USP32: variants seen among roughly 807,000 people sequenced by gnomAD.
The protein encoded by USP32 is ubiquitin carboxyl-terminal hydrolase 32.
A neutral mutation model predicts 204.8 loss-of-function variants in USP32; 59 were observed. The observed-to-expected ratio is 0.29, with a 90% CI of 0.23 to 0.36. USP32 has a LOEUF of 0.36. USP32 is among the 10% of genes least tolerant of loss of function. The pLI is 1.00. For missense variants in USP32, 1,160 were observed against 1,946.4 expected, an observed-to-expected ratio of 0.60 and a Z score of 7.60; for synonymous variants, 517 against 678.4, an observed-to-expected ratio of 0.76 and a Z score of 3.70.
chr17:60,255,128 G>T, intron 10 of USP32, 47 bp downstream of exon 10: 2 of 1,388,248 alleles, frequency 1.4e-6, no homozygotes, highest in Non-Finnish European at 2.0e-6. Context: ...AGATGTAGAA[G>T]TACTGGTACT....
chr17:60,388,996 T>C (rs1471878504), intron 1 of USP32, among the ~76,000 whole-genome samples: 1 of 152,214 alleles, frequency 6.6e-6, no homozygotes, highest in Non-Finnish European at 1.5e-5. Context: ...TTTTTTTAAA[T>C]ACTACCTGTG....
chr17:60,409,411 G>A (rs2090002444), intron 1 of USP32, among the ~76,000 whole-genome samples: 1 of 152,182 alleles, frequency 6.6e-6, no homozygotes, highest in African/African-American at 2.4e-5. Context: ...TGCACGTCGG[G>A]CAGTGAGCCC....
At chr17:60,245,299 C>A in intron 11 of USP32, 1 of 295,658 alleles carries the variant, frequency 3.4e-6, no homozygotes, top group South Asian at 3.2e-5. Flanking sequence ...TATTCATTTT[C>A]TTCACAGGCT....
In USP32 at chr17:60,177,966, GA is replaced by G. The variant is rs1289561031; in HGVS notation, c.*1288del. Among the ~76,000 whole-genome samples, 5 of 151,728 alleles carry G rather than the reference GA, an allele frequency of 3.3e-5. No homozygotes were observed. The highest frequency in any genetic ancestry group is 6.6e-5 in the Admixed American group (1 of 15,266). On this transcript the variant is annotated 3_prime_UTR_variant, in exon 34 of 34. Coordinates refer to ENST00000300896, the MANE Select transcript of USP32 (RefSeq NM_032582.4). ...TCAAGTATATATTAAAAAACTACAC[GA>G]AAAAAATGCTACCTGAAATAAATAA...
chr17:60,357,715 G>C (rs2089116431), intron 1 of USP32, among the ~76,000 whole-genome samples: 1 of 152,004 alleles, frequency 6.6e-6, no homozygotes, highest in Non-Finnish European at 1.5e-5. Context: ...TCTCTGGAAA[G>C]GACTGGATGA....
chr17:60,305,861 A>G (rs1424107866), intron 2 of USP32, among the ~76,000 whole-genome samples: 1 of 152,176 alleles, frequency 6.6e-6, no homozygotes, highest in Non-Finnish European at 1.5e-5. Flanking sequence ...GTATGGAATA[A>G]ATTTGTTTGG....
chr17:60,255,815 C>T (rs1160473481), intron 9 of USP32, among the ~76,000 whole-genome samples: 2 of 152,258 alleles, frequency 1.3e-5, no homozygotes, highest in Non-Finnish European at 1.5e-5. Context: ...GTAAGAAATA[C>T]TGCCCATTTT....
At chr17:60,339,069 C>A (rs1358377333) in intron 2 of USP32, among the ~76,000 whole-genome samples, 1 of 151,852 alleles carries the variant, frequency 6.6e-6, no homozygotes, top group East Asian at 2.0e-4. Context: ...GCCACCACGC[C>A]CAGCTAATTT....
intron 1 of USP32, among the ~76,000 whole-genome samples, chr17:60,349,626 ATATATATATATATATATT>A (rs2088894409): frequency 6.6e-5 from 5 of 76,278 alleles, no homozygotes; most frequent in African/African-American, 3.5e-4. Context: ...TATATATATT[ATATATATATATATATATT>A]ATATATATAC....
At chr17:60,300,349 G>A (rs1447762879) in intron 3 of USP32, among the ~76,000 whole-genome samples, 6 of 151,494 alleles carry the variant, frequency 4.0e-5, no homozygotes, top group African/African-American at 1.5e-4. Context: ...CTTTTTAAAA[G>A]TAAATAAATC....
At chr17:60,353,804 A>G (rs2089008160) in intron 1 of USP32, among the ~76,000 whole-genome samples, 1 of 152,238 alleles carries the variant, frequency 6.6e-6, no homozygotes, top group Admixed American at 6.5e-5. Context: ...ATATGAAGAG[A>G]TCAGAACTCA....
chr17:60,275,710 A>C (rs2086823770), intron 5 of USP32, among the ~76,000 whole-genome samples: 1 of 152,040 alleles, frequency 6.6e-6, no homozygotes, highest in African/African-American at 2.4e-5. Context: ...CCTTCAAAGC[A>C]TTTGATGTAT....
chr17:60,258,329 G>T, intron 9 of USP32: 1 of 187,544 alleles, frequency 5.3e-6, no homozygotes, highest in East Asian at 1.4e-4. Flanking sequence ...TAAGCAAACT[G>T]GGAAGCTCAA....
At chr17:60,349,611 ATATATATATATATT>A (rs2088886635) in intron 1 of USP32, among the ~76,000 whole-genome samples, 1 of 71,058 alleles carries the variant, frequency 1.4e-5, no homozygotes, top group Non-Finnish European at 2.3e-5. Context: ...ATATATATAT[ATATATATATATATT>A]ATATATATAT....
intron 1 of USP32, among the ~76,000 whole-genome samples, chr17:60,390,467 T>C (rs1233549759): frequency 6.6e-6 from 1 of 152,224 alleles, no homozygotes; most frequent in Non-Finnish European, 1.5e-5. Flanking sequence ...GGAATATTTC[T>C]CATATTGGGG....
chr17:60,259,664 T>G (rs1278765952), intron 9 of USP32, among the ~76,000 whole-genome samples: 1 of 152,208 alleles, frequency 6.6e-6, no homozygotes, highest in Non-Finnish European at 1.5e-5. Context: ...CCTCCCATAT[T>G]TGTTATTGTT....
At chr17:60,233,994 A>C (rs1241096228) in intron 12 of USP32, among the ~76,000 whole-genome samples, 2 of 151,926 alleles carry the variant, frequency 1.3e-5, no homozygotes, top group East Asian at 3.9e-4. Flanking sequence ...CTGTCACCCA[A>C]ACTGGAGTGT....
intron 4 of USP32, 140 bp from the exon 5 acceptor site, chr17:60,288,822 G>C: frequency 1.5e-6 from 1 of 673,430 alleles, no homozygotes; most frequent in Admixed American, 2.9e-5. Context: ...TAACACTGCA[G>C]GGTGTATATA....
chr17:60,201,656 G>T (rs146901167), intron 26 of USP32, among the ~76,000 whole-genome samples: 1 of 150,216 alleles, frequency 6.7e-6, no homozygotes, highest in African/African-American at 2.4e-5. Flanking sequence ...TAGTGTCGTT[G>T]ATCATTTTTT....
Sources: allele counts gnomAD v4.1 joint callset (sites outside exome capture counted in the v4.1 genomes callset), GRCh38; gene constraint gnomAD v4.1.1; transcripts MANE v1.5; gene names NCBI Gene and HGNC (gene_info 2026-07-23, HGNC 2026-07-21).